The following CAST variants were observed in gnomAD, a reference collection of about 807,000 sequenced individuals.
CAST encodes the protein MIR583 host.
Under a neutral mutation model 119.6 loss-of-function variants are expected in CAST, and 76 were observed. The ratio of observed to expected loss-of-function variants is 0.64; its 90% CI spans 0.53 to 0.77. The LOEUF (loss-of-function observed/expected upper bound fraction) is 0.77, where lower values mean the gene tolerates loss of function less well. Ranked by LOEUF, CAST falls within the 30% of genes least tolerant of loss-of-function variation. The pLI is 0.00. For synonymous variants in CAST, 319 were observed against 331.6 expected (o/e 0.96, Z 0.41); for missense variants, 953 against 946.5 (o/e 1.01, Z -0.09).
At chr5:96,123,302 G>A in the CAST span, among the ~76,000 whole-genome samples, 37 of 152,134 alleles carry the variant, frequency 2.4e-4, no homozygotes, top group African/African-American at 8.4e-4. Context: ...GAAACCAAAA[G>A]TTTAAGTGAT....
chr5:96,467,446 T>C, the CAST span, among the ~76,000 whole-genome samples: 1 of 152,084 alleles, frequency 6.6e-6, no homozygotes, highest in Non-Finnish European at 1.5e-5. Context: ...TTTCTTCTAG[T>C]CTTTGTATGG....
At chr5:96,485,597 AC>A in the CAST span, among the ~76,000 whole-genome samples, 1 of 152,230 alleles carries the variant, frequency 6.6e-6, no homozygotes, top group Middle Eastern at 3.4e-3. Context: ...AATAGTTCGA[AC>A]CTGGGACCAT....
At chr5:96,445,811 G>C in the CAST span, among the ~76,000 whole-genome samples, 1 of 152,136 alleles carries the variant, frequency 6.6e-6, no homozygotes, top group East Asian at 1.9e-4. Flanking sequence ...GGGTAAACCC[G>C]GGGGTAATGG....
chr5:96,643,010 T>TGCCCTAGGTTACACA (rs57552285), intron 1 of CAST, among the ~76,000 whole-genome samples: 53,549 of 151,970 alleles, frequency 0.35, 9,523 homozygotes, highest in African/African-American at 0.37. Context: ...TTGAGTAATT[T>TGCCCTAGGTTACACA]GCTGCTAAGG....
chr5:96,208,420 C>G, the CAST span, among the ~76,000 whole-genome samples: 1 of 151,408 alleles, frequency 6.6e-6, no homozygotes, highest in Non-Finnish European at 1.5e-5. Flanking sequence ...TGTTAGGTTA[C>G]TAATATGAAT....
chr5:96,074,077 C>T, the CAST span, among the ~76,000 whole-genome samples: 1 of 152,154 alleles, frequency 6.6e-6, no homozygotes, highest in South Asian at 2.1e-4. Flanking sequence ...GACTCACAGA[C>T]TGAAAAATTT....
chr5:96,089,951 A>G, the CAST span, among the ~76,000 whole-genome samples: 1 of 152,226 alleles, frequency 6.6e-6, no homozygotes, highest in African/African-American at 2.4e-5. Context: ...TTGGAGTCAG[A>G]CCTTTAGTTC....
At chr5:96,435,196 CTTA>C in the CAST span, among the ~76,000 whole-genome samples, 1 of 152,162 alleles carries the variant, frequency 6.6e-6, no homozygotes. Context: ...TTGTCCCTTT[CTTA>C]TTATTGTTCA....
chr5:95,973,361 C>G, the CAST span: 7 of 152,796 alleles, frequency 4.6e-5, no homozygotes, highest in Admixed American at 4.6e-4. Context: ...CAGAACTATT[C>G]CCACTCCTAG....
At chr5:96,573,940 G>T (rs1746618167) in intron 1 of CAST, among the ~76,000 whole-genome samples, 1 of 151,044 alleles carries the variant, frequency 6.6e-6, no homozygotes, top group African/African-American at 2.4e-5. Context: ...TTTGTCTTCA[G>T]TATTTGATTC....
intron 2 of CAST, 177 bp downstream of exon 2, chr5:96,675,778 A>G (rs867545611): frequency 5.3e-5 from 29 of 544,124 alleles, no homozygotes; most frequent in African/African-American, 4.2e-4. Context: ...ATAAATAAAA[A>G]AAATTGTTCC....
At chr5:96,158,865 T>A in the CAST span, among the ~76,000 whole-genome samples, 1 of 152,184 alleles carries the variant, frequency 6.6e-6, no homozygotes, top group Non-Finnish European at 1.5e-5. Context: ...ATAGAATAAA[T>A]ACCAGTTTTT....
the CAST span, among the ~76,000 whole-genome samples, chr5:96,038,851 T>TGCA: frequency 6.6e-6 from 1 of 152,180 alleles, no homozygotes; most frequent in Non-Finnish European, 1.5e-5. Flanking sequence ...CATGTCTTTG[T>TGCA]CATAGAATGA....
the CAST span, among the ~76,000 whole-genome samples, chr5:96,488,646 T>G: frequency 5.9e-5 from 9 of 152,192 alleles, no homozygotes; most frequent in African/African-American, 1.9e-4. Context: ...AGAGTAGATC[T>G]TCAGTGGAGA....
At chr5:96,410,348 CTG>C in the CAST span, among the ~76,000 whole-genome samples, 1 of 151,608 alleles carries the variant, frequency 6.6e-6, no homozygotes. Context: ...GGTGTAGACT[CTG>C]TATTTTTATC....
chr5:96,295,617 G>A, the CAST span, among the ~76,000 whole-genome samples: 4 of 152,004 alleles, frequency 2.6e-5, no homozygotes, highest in East Asian at 3.9e-4. Context: ...TGTTCGTATC[G>A]ACCTACGATA....
At chr5:96,643,279 G>A (rs1056447152) in intron 1 of CAST, among the ~76,000 whole-genome samples, 7 of 152,150 alleles carry the variant, frequency 4.6e-5, no homozygotes, top group Admixed American at 2.0e-4. Flanking sequence ...TCTATCTGGA[G>A]AATACAAAAT....
the CAST span, among the ~76,000 whole-genome samples, chr5:96,076,091 C>T: frequency 3.3e-5 from 5 of 152,256 alleles, no homozygotes; most frequent in South Asian, 2.1e-4. Flanking sequence ...TGGACAACCA[C>T]GCCCTAGGTC....
the CAST span, among the ~76,000 whole-genome samples, chr5:96,022,272 C>A: frequency 3.3e-5 from 5 of 151,778 alleles, no homozygotes; most frequent in Non-Finnish European, 4.4e-5. Context: ...CATAGATGCC[C>A]AAATATATGT....
Sources: gnomAD v4.1 joint callset for allele counts (sites outside exome capture counted in the v4.1 genomes callset) on GRCh38, gnomAD v4.1.1 for gene constraint, MANE v1.5 for transcripts, NCBI Gene and HGNC (gene_info 2026-07-23, HGNC 2026-07-21) for gene names.